Variants in KRT73 observed in about 807,000 individuals in gnomAD.
KRT73 encodes keratin 73.
Under a neutral mutation model 47.2 loss-of-function variants are expected in KRT73, and 44 were observed. The observed-to-expected ratio is 0.93, with a 90% CI of 0.73 to 1.20. The LOEUF is 1.20. KRT73 is among the 50% of genes most tolerant of loss of function. KRT73 has a pLI of 0.00. For synonymous variants in KRT73, 285 were observed against 291.3 expected (o/e 0.98, Z 0.22); for missense variants, 713 against 704.5 (o/e 1.01, Z -0.14).
upstream of KRT73, among the ~76,000 whole-genome samples, chr12:52,622,571 T>C (rs572751598): frequency 2.6e-5 from 4 of 152,332 alleles, no homozygotes; most frequent in East Asian, 1.9e-4. Context: ...CCAGAGGCAG[T>C]GACAGCATGA....
chr12:52,623,827 C>T, the KRT73 span, among the ~76,000 whole-genome samples: 4 of 151,932 alleles, frequency 2.6e-5, no homozygotes, highest in East Asian at 1.9e-4. Context: ...TATACAAAAA[C>T]GTTTACTAAA....
upstream of KRT73, among the ~76,000 whole-genome samples, chr12:52,622,585 G>A (rs1219611442): frequency 6.6e-6 from 1 of 152,240 alleles, no homozygotes; most frequent in Non-Finnish European, 1.5e-5. Context: ...AGCATGAACA[G>A]TGCAAGTACA....
At chr12:52,611,436 A>G in intron 5 of KRT73, 107 bp from the exon 6 acceptor site, 4 of 1,359,590 alleles carry the variant, frequency 2.9e-6, no homozygotes, top group South Asian at 1.3e-5. Flanking sequence ...AGGTGGGTCC[A>G]GGTCCCCCGC....
chr12:52,612,113 G>C (rs1472018129), intron 5 of KRT73, among the ~76,000 whole-genome samples: 2 of 152,218 alleles, frequency 1.3e-5, no homozygotes, highest in African/African-American at 2.4e-5. Context: ...GTGAGCCAAT[G>C]AGCTGTCCAT....
At chr12:52,615,044 G>A (rs1216542316) in intron 3 of KRT73, 21 of 537,778 alleles carry the variant, frequency 3.9e-5, no homozygotes, top group Non-Finnish European at 4.3e-5. Context: ...CCCAGCCAGA[G>A]GGGACATGAG....
rs1940646393 is a variant in KRT73 at position 52,609,280 on chromosome 12, T to C, written c.1333A>G (p.Met445Val). Residue 445 changes from methionine (M) to valine (V), a missense_variant and splice_region_variant, in exon 8 of 9, where the codon ATG (methionine) becomes GTG (valine). Physicochemically the swap from Met to Val is conservative, Grantham distance 21. Transcript: ENST00000305748. ...RKLLEGEECR[M>V]SGEYTNSVSI... ...ACGGAGTTGGTATATTCTCCGGACA[T>C]CCTGCAAGAGAGAAAAGCACAGGAG... 3 of 1,613,484 alleles carry C rather than the reference T, an allele frequency of 1.9e-6. No homozygotes were observed. The highest frequency in any genetic ancestry group is 2.5e-6 in the Non-Finnish European group (3 of 1,179,488).
At chr12:52,616,559 G>A (rs1565630695) in intron 1 of KRT73, among the ~76,000 whole-genome samples, 179 bp from the exon 2 acceptor site, 1 of 152,184 alleles carries the variant, frequency 6.6e-6, no homozygotes. Flanking sequence ...TTATCTGACT[G>A]AAGTTCTCAC....
upstream of KRT73, among the ~76,000 whole-genome samples, chr12:52,620,379 C>T (rs1444724025): frequency 6.6e-6 from 1 of 152,168 alleles, no homozygotes; most frequent in Non-Finnish European, 1.5e-5. Context: ...GCTGGGATTA[C>T]AGGCGTGAGC....
At chr12:52,626,692 C>A in the KRT73 span, among the ~76,000 whole-genome samples, 1 of 152,190 alleles carries the variant, frequency 6.6e-6, no homozygotes, top group African/African-American at 2.4e-5. Context: ...AGGCACCCAG[C>A]AGGCTCAGCT....
Position 52,613,772 on chromosome 12 carries a change from G to A in KRT73, c.900C>T (p.Asp300=), listed in dbSNP as rs1565629598. 1 of 1,614,236 alleles carries A rather than the reference G, an allele frequency of 6.2e-7. No individual in the cohort carries two copies. Among genetic ancestry groups the A allele is most frequent in the Non-Finnish European group, 8.5e-7 (1 of 1,180,048 alleles). ...GGGCACGGACCTCAGCAATGATGCT[G>A]TCCAGGTCCAGGTTCCGGTTGTTGT... ...SMDNNRNLDL[D]SIIAEVRAQY... Residue 300 remains aspartate, a synonymous_variant, in exon 5 of 9, where the codon GAC becomes GAT. Coordinates refer to ENST00000305748, the MANE Select transcript of KRT73 (RefSeq NM_175068.3).
intron 5 of KRT73, chr12:52,612,712 T>C (rs1348169217): frequency 6.6e-6 from 1 of 152,182 alleles, no homozygotes; most frequent in East Asian, 1.9e-4. Context: ...ACAAAGCCCT[T>C]AGAGTAAATG....
At chr12:52,609,171 C>A in intron 8 of KRT73, 76 bp downstream of exon 8, 1 of 1,278,486 alleles carries the variant, frequency 7.8e-7, no homozygotes, top group Admixed American at 1.7e-5. Context: ...CCTCAGGGGG[C>A]TGGGCGGTGG....
At chr12:52,613,466 ACC>A (rs1940744359) in intron 5 of KRT73, 1 of 710,704 alleles carries the variant, frequency 1.4e-6, no homozygotes, top group African/African-American at 1.8e-5. Context: ...CACCACATTC[ACC>A]TGCACTCAGC....
At chr12:52,629,009 TCCCAAGTCAGGA>T in the KRT73 span, among the ~76,000 whole-genome samples, 3 of 152,074 alleles carry the variant, frequency 2.0e-5, no homozygotes, top group Non-Finnish European at 2.9e-5. Flanking sequence ...ACTCCTCATC[TCCCAAGTCAGGA>T]CCAGCATGTG....
chr12:52,626,236 C>G, the KRT73 span, among the ~76,000 whole-genome samples: 10 of 152,328 alleles, frequency 6.6e-5, no homozygotes, highest in Admixed American at 2.0e-4. Flanking sequence ...AGTTAACACA[C>G]AGTTTATGGA....
intron 4 of KRT73, chr12:52,614,318 T>C (rs1940765792): frequency 4.6e-6 from 2 of 435,822 alleles, no homozygotes; most frequent in South Asian, 4.4e-5. Context: ...GGAATGAGAA[T>C]ATGCTTGGCT....
In KRT73 at chr12:52,611,229, G is replaced by T. The variant is rs114326019; in HGVS notation, c.1085C>A (p.Ser362Ter). ...ELTRLIQRLR[S>*]EIESVKKQCA... is the part of the protein sequence containing the mutation. ...CTGCTTCTTCACACTCTCAATCTCC[G>T]AGCGCAGTCTTTGGATGAGACGGGT... Residue 362 changes from serine to a stop codon, truncating the protein, a stop_gained, in exon 6 of 9, where the codon TCG becomes TAG. Coordinates refer to ENST00000305748, the MANE Select transcript of KRT73 (RefSeq NM_175068.3). LOFTEE classifies it high-confidence loss of function. 5.0e-6 allele frequency: 8 copies of T among 1,614,186 alleles called. No homozygotes were observed. Among genetic ancestry groups the T allele is most frequent in the Non-Finnish European group, 6.8e-6 (8 of 1,180,036 alleles).
At position 52,618,533 on chromosome 12, in the gene KRT73, G is replaced by C. The variant is rs748790508; in HGVS notation, c.-9C>G. The C allele has an allele frequency of 6.3e-7, 1 of 1,587,566 alleles. No individual in the cohort carries two copies. The highest frequency in any genetic ancestry group is 1.8e-5 in the Admixed American group (1 of 56,934). On this transcript the variant is annotated 5_prime_UTR_variant, in exon 1 of 9. Transcript: ENST00000305748. ...GTGAATTGGCGGCTCATGGTGGGGA[G>C]GCCAGAAAGTGGGGATAAGATGCTG...
At chr12:52,625,075 A>C in the KRT73 span, among the ~76,000 whole-genome samples, 1 of 152,196 alleles carries the variant, frequency 6.6e-6, no homozygotes, top group Non-Finnish European at 1.5e-5. Context: ...GGAAATCCTC[A>C]AGATAAAGGG....
Sources: gnomAD v4.1 joint callset for allele counts (sites outside exome capture counted in the v4.1 genomes callset) on GRCh38, gnomAD v4.1.1 for gene constraint, MANE v1.5 for transcripts, NCBI Gene and HGNC (gene_info 2026-07-23, HGNC 2026-07-21) for gene names.